DENND1A: variants seen among roughly 807,000 people sequenced by gnomAD.
DENND1A encodes DENN domain-containing protein 1A.
In DENND1A, 51 loss-of-function variants were observed where a neutral mutation model predicts 113.7. That is an observed-to-expected ratio of 0.45 (90% CI 0.36 to 0.57). The LOEUF is 0.57. Ranked by LOEUF, DENND1A falls within the 20% of genes least tolerant of loss-of-function variation. The probability of loss-of-function intolerance (pLI) is 0.00; values close to 1 mark genes in which losing one functional copy is unlikely to be tolerated. For synonymous variants in DENND1A, 565 were observed against 570.8 expected (o/e 0.99, Z 0.14); for missense variants, 1,258 against 1,395.9 (o/e 0.90, Z 1.57).
intron 4 of DENND1A, among the ~76,000 whole-genome samples, chr9:123,761,747 A>G (rs2071060626): frequency 6.6e-6 from 1 of 152,230 alleles, no homozygotes; most frequent in Non-Finnish European, 1.5e-5. Flanking sequence ...AAGGTCTGGC[A>G]AGGGAAGTCA....
Position 123,674,727 on chromosome 9 carries a change from C to T in DENND1A, c.372+1993G>A, listed in dbSNP as rs146209536. On this transcript the variant is annotated intron_variant, in intron 6 of 23. Transcript: ENST00000394215. ...AGAGGAAAGGTTCACCAGTTTTACA[C>T]GGTAATAATCCAATCTCCCATATGT... is the stretch of plus-strand genomic sequence containing the variant. Among the ~76,000 whole-genome samples, 1,003 of 152,288 alleles carry T rather than the reference C, an allele frequency of 6.6e-3. 14 individuals are homozygous for T. Among genetic ancestry groups the T allele is most frequent in the African/African-American group, 0.023 (951 of 41,562 alleles).
chr9:123,478,414 T>C lies in DENND1A; in HGVS notation c.994-20517A>G, dbSNP rs17284627. On this transcript the variant is annotated intron_variant, in intron 13 of 23. Transcript: ENST00000394215. ...TGTGAAATAACAGCAGTCTGGTTCC[T>C]GGGAAATGGTGGCCATTCCCAACAC... Among the ~76,000 whole-genome samples the C allele has an allele frequency of 2.7e-3, 404 of 152,366 alleles. 3 individuals carry two copies. Among genetic ancestry groups the C allele is most frequent in the Non-Finnish European group, 4.9e-3 (335 of 68,042 alleles).
intron 1 of DENND1A, among the ~76,000 whole-genome samples, chr9:123,885,861 C>A (rs1485717888): frequency 6.6e-6 from 1 of 152,078 alleles, no homozygotes; most frequent in Non-Finnish European, 1.5e-5. Context: ...CTCACTGCAA[C>A]CTCCGCCTCC....
At chr9:123,454,113 G>A (rs961917361) in intron 16 of DENND1A, among the ~76,000 whole-genome samples, 2 of 152,184 alleles carry the variant, frequency 1.3e-5, no homozygotes, top group Non-Finnish European at 2.9e-5. Flanking sequence ...CTTCGTGCCC[G>A]CCTCCCCAGC....
At chr9:123,710,091 C>G (rs1375565944) in intron 5 of DENND1A, among the ~76,000 whole-genome samples, 1 of 152,204 alleles carries the variant, frequency 6.6e-6, no homozygotes, top group Non-Finnish European at 1.5e-5. Flanking sequence ...CTCTTTTCCT[C>G]ACATCATGAT....
At chr9:123,529,647 G>A (rs997783183) in intron 13 of DENND1A, among the ~76,000 whole-genome samples, 1 of 152,188 alleles carries the variant, frequency 6.6e-6, no homozygotes, top group Non-Finnish European at 1.5e-5. Flanking sequence ...AAACAAGTTA[G>A]AATGAAAATG....
At position 123,457,840 on chromosome 9, in the gene DENND1A, T is replaced by A; in HGVS notation, c.1051A>T (p.Met351Leu). ...AFVSHYRSGA[M>L]RQFLQNATQL... is the part of the protein sequence containing the mutation. ...GTGGCGTTCTGCAGGAACTGCCTCA[T>A]GGCTCCGGAGCGGTAGTGGGACACG... Residue 351 changes from methionine to leucine, a missense_variant, in exon 14 of 24, where the codon ATG becomes TTG. Met to Leu is a conservative substitution (Grantham distance 15). Coordinates refer to ENST00000394215, the MANE Select transcript of DENND1A (RefSeq NM_001352964.2). The A allele has an allele frequency of 6.2e-7, 1 of 1,612,920 alleles. No homozygotes were observed. The highest frequency in any genetic ancestry group is 8.5e-7 in the Non-Finnish European group (1 of 1,179,538).
chr9:123,685,390 A>G (rs966930388), intron 5 of DENND1A, among the ~76,000 whole-genome samples: 1 of 152,218 alleles, frequency 6.6e-6, no homozygotes, highest in Non-Finnish European at 1.5e-5. Context: ...TCCATAATTA[A>G]TGTCCCATTG....
rs1034293319 is a variant in DENND1A at position 123,501,028 on chromosome 9, T to C, written c.994-43131A>G. 2.1e-4 allele frequency among the ~76,000 whole-genome samples: 32 copies of C among 152,232 alleles called. 1 individual carries two copies. Among genetic ancestry groups the C allele is most frequent in the Admixed American group, 2.0e-3 (31 of 15,280 alleles). On this transcript the variant is annotated intron_variant, in intron 13 of 23. Transcript: ENST00000394215. Reference sequence around the variant, plus strand: ...CATTCATACTATTGTGTAACCATTATCACCATCTATCTCCAGAACTCTTTT... The same window carrying C: ...CATTCATACTATTGTGTAACCATTACCACCATCTATCTCCAGAACTCTTTT...
intron 1 of DENND1A, among the ~76,000 whole-genome samples, chr9:123,879,973 A>G (rs7030193): frequency 0.17 from 25,305 of 151,952 alleles, 4,084 homozygotes; most frequent in African/African-American, 0.42. Context: ...TTATTATTAT[A>G]CTCTTACTTG....
intron 12 of DENND1A, among the ~76,000 whole-genome samples, chr9:123,560,558 C>A (rs1314517650): frequency 6.6e-6 from 1 of 151,982 alleles, no homozygotes; most frequent in Non-Finnish European, 1.5e-5. Flanking sequence ...GCCATGGTGG[C>A]ACCTGCCTGT....
intron 3 of DENND1A, among the ~76,000 whole-genome samples, chr9:123,775,123 TA>T (rs1830275333): frequency 6.6e-6 from 1 of 152,220 alleles, no homozygotes; most frequent in African/African-American, 2.4e-5. Context: ...TTATTAATTT[TA>T]AATCTTACAC....
intron 2 of DENND1A, among the ~76,000 whole-genome samples, chr9:123,833,157 A>G (rs1840533711): frequency 6.6e-6 from 1 of 151,148 alleles, no homozygotes; most frequent in Admixed American, 6.6e-5. Context: ...AAGGAAACGA[A>G]AGAAAAAAAA....
intron 13 of DENND1A, among the ~76,000 whole-genome samples, chr9:123,554,711 C>G (rs56685917): frequency 0.052 from 7,879 of 152,264 alleles, 291 homozygotes; most frequent in Middle Eastern, 0.12. Context: ...ATGAAAATTA[C>G]TTCCCATTGT....
rs537777548 is a variant in DENND1A at position 123,583,091 on chromosome 9, T to C, written c.867+78A>G. On this transcript the variant is annotated intron_variant, in intron 12 of 23. Coordinates refer to ENST00000394215, the MANE Select transcript of DENND1A (RefSeq NM_001352964.2). ...GGAAAACCCTCGCTATTTCCCCTCC[T>C]TCCCCATTCCCCAAAGTCACGTTCA... 6 of 1,087,956 alleles carry C rather than the reference T, an allele frequency of 5.5e-6. No individual in the cohort carries two copies. In the African/African-American group the frequency reaches 9.5e-5, roughly 17 times the overall value. The allele number at this position is 1,087,956 out of a possible 1,614,324, so 67.4% of individuals were successfully genotyped here. A position where few individuals can be genotyped will look rare whatever the true frequency, so the allele number is the denominator to read the frequency against.
intron 21 of DENND1A, chr9:123,400,758 T>G (rs757983011): frequency 6.6e-6 from 1 of 152,128 alleles, no homozygotes; most frequent in Non-Finnish European, 1.5e-5. Context: ...TTTTTGTATT[T>G]TTAGTAGAGA....
chr9:123,528,504 C>T (rs1234771797), intron 13 of DENND1A, among the ~76,000 whole-genome samples: 4 of 152,194 alleles, frequency 2.6e-5, no homozygotes, highest in East Asian at 1.9e-4. Flanking sequence ...ATTCCCTTTC[C>T]CTCCAGCTGC....
chr9:123,921,820 C>T (rs1450000943), intron 1 of DENND1A, among the ~76,000 whole-genome samples: 2 of 152,190 alleles, frequency 1.3e-5, no homozygotes, highest in African/African-American at 2.4e-5. Context: ...CTCTGCTAAC[C>T]TTGGCAAGTC....
intron 14 of DENND1A, 100 bp downstream of exon 14, chr9:123,457,693 G>C: frequency 8.5e-7 from 1 of 1,175,416 alleles, no homozygotes; most frequent in Non-Finnish European, 1.2e-6. Flanking sequence ...CCTGGGGCCT[G>C]AGTCCCATCC....
Sources: allele counts gnomAD v4.1 joint callset (sites outside exome capture counted in the v4.1 genomes callset), GRCh38; gene constraint gnomAD v4.1.1; transcripts MANE v1.5; gene names NCBI Gene and HGNC (gene_info 2026-07-23, HGNC 2026-07-21).